SV2C: variants seen among roughly 807,000 people sequenced by gnomAD.
SV2C encodes the protein solute carrier family 22 member B3.
In SV2C, 49 loss-of-function variants were observed where a neutral mutation model predicts 79.7. The ratio of observed to expected loss-of-function variants is 0.61; its 90% confidence interval spans 0.49 to 0.78. The LOEUF (loss-of-function observed/expected upper bound fraction) is 0.78, where lower values mean the gene tolerates loss of function less well. Among genes scored for constraint, SV2C ranks in the 30% least tolerant of loss-of-function variants. SV2C has a pLI of 0.00. For synonymous variants in SV2C, 334 were observed against 333.2 expected (o/e 1.00, Z -0.03); for missense variants, 833 against 912.9 (o/e 0.91, Z 1.13).
intron 12 of SV2C, among the ~76,000 whole-genome samples, chr5:76,351,974 A>C (rs997426943): frequency 1.3e-5 from 2 of 152,192 alleles, no homozygotes; most frequent in African/African-American, 4.8e-5. Flanking sequence ...ACATTTTGGG[A>C]GTCCAAGGTG....
Position 76,291,206 on chromosome 5 carries a change from T to C in SV2C, c.1138-15T>C. Reference sequence around the variant, plus strand: ...GAGAAGGTAACTTAGCGCTTTGGTCTGTTTCTCTCTACAGGTAAACAAAAT... The same window carrying C: ...GAGAAGGTAACTTAGCGCTTTGGTCCGTTTCTCTCTACAGGTAAACAAAAT... On this transcript the variant is annotated splice_polypyrimidine_tract_variant and intron_variant, in intron 6 of 12. Coordinates refer to ENST00000502798, the MANE Select transcript of SV2C (RefSeq NM_014979.4). 1 of 1,593,388 alleles carries C rather than the reference T, an allele frequency of 6.3e-7. No individual in the cohort carries two copies. The highest frequency in any genetic ancestry group is 2.2e-5 in the East Asian group (1 of 44,694).
At chr5:75,851,325 T>G in the SV2C span, among the ~76,000 whole-genome samples, 8 of 152,092 alleles carry the variant, frequency 5.3e-5, no homozygotes, top group Admixed American at 5.2e-4. Context: ...CTGAACTATG[T>G]TCTGCTAGTA....
At chr5:75,910,451 G>T in the SV2C span, 1 of 601,340 alleles carries the variant, frequency 1.7e-6, no homozygotes. Flanking sequence ...CATCACTTCA[G>T]CTGCACTAAG....
intron 4 of SV2C, among the ~76,000 whole-genome samples, chr5:76,237,395 G>A (rs73766733): frequency 0.07 from 10,694 of 151,968 alleles, 1,210 homozygotes; most frequent in African/African-American, 0.24. Context: ...AAATGTATTG[G>A]GTGAACTATC....
intron 12 of SV2C, among the ~76,000 whole-genome samples, chr5:76,309,630 A>AAAAAAAAAAC (rs1554046996): frequency 1.5e-5 from 2 of 131,870 alleles, no homozygotes; most frequent in East Asian, 2.3e-4. Flanking sequence ...AAAAAACAGA[A>AAAAAAAAAAC]AGAAAGAAAG....
At chr5:76,314,431 C>G (rs1369917781) in intron 12 of SV2C, among the ~76,000 whole-genome samples, 1 of 152,142 alleles carries the variant, frequency 6.6e-6, no homozygotes, top group Admixed American at 6.5e-5. Context: ...CCCCCTCTCC[C>G]TCTACTTCAT....
the SV2C span, among the ~76,000 whole-genome samples, chr5:75,955,425 C>G: frequency 4.6e-5 from 7 of 151,472 alleles, no homozygotes; most frequent in Non-Finnish European, 1.0e-4. Flanking sequence ...AACGTTAGAC[C>G]TAAAGCCATA....
downstream of SV2C, among the ~76,000 whole-genome samples, chr5:76,334,391 C>T (rs77632734): frequency 0.029 from 4,357 of 152,228 alleles, 185 homozygotes; most frequent in African/African-American, 0.087. Flanking sequence ...AAAGAGTTCC[C>T]GTGACTGCAT....
chr5:76,221,667 G>T (rs1032353554), intron 4 of SV2C, among the ~76,000 whole-genome samples: 1 of 152,044 alleles, frequency 6.6e-6, no homozygotes, highest in Admixed American at 6.6e-5. Context: ...AGATACAGGG[G>T]TCTCGAGACC....
Position 76,329,549 on chromosome 5 carries a change from TGTA to T in SV2C, c.*4005_*4007del, listed in dbSNP as rs747334782. 2 of 152,158 alleles carry T rather than the reference TGTA, an allele frequency of 1.3e-5. No homozygotes were observed. Among genetic ancestry groups the T allele is most frequent in the Non-Finnish European group, 2.9e-5 (2 of 68,040 alleles). The allele number at this position is 152,158 out of a possible 1,614,324, so 9.4% of individuals were successfully genotyped here. On this transcript the variant is annotated 3_prime_UTR_variant, in exon 13 of 13. Transcript: ENST00000502798. ...ATCAAAGGGGAGGTGGGAAAAGAAA[TGTA>T]GTGACAGAAGGGAGAGTCCAAGATA...
the SV2C span, chr5:75,921,370 C>T: frequency 1.1e-6 from 1 of 922,082 alleles, no homozygotes; most frequent in South Asian, 1.3e-5. Context: ...TTGGGGGGTG[C>T]TGGTAGGTGT....
chr5:76,061,084 T>C, the SV2C span, among the ~76,000 whole-genome samples: 1 of 151,834 alleles, frequency 6.6e-6, no homozygotes, highest in African/African-American at 2.4e-5. Context: ...CCCAAAACAA[T>C]TACAATAGTA....
rs1247566066 is a variant in SV2C at position 76,121,916 on chromosome 5, G to A, written c.-101-9734G>A. On this transcript the variant is annotated intron_variant, in intron 1 of 12. Transcript: ENST00000502798. ...TTCCAATTCTGTGAAGAAAGACATT[G>A]GTAGCTTGATGGGGATGGCATTGAA... Among the ~76,000 whole-genome samples the A allele has an allele frequency of 2.0e-5, 3 of 152,198 alleles. No individual in the cohort carries two copies. The South Asian group carries it at 6.2e-4, about 32-fold the overall frequency.
chr5:76,146,800 A>T (rs1464690426), intron 2 of SV2C, among the ~76,000 whole-genome samples: 8 of 138,818 alleles, frequency 5.8e-5, no homozygotes, highest in African/African-American at 1.4e-4. Flanking sequence ...TTTTTTTTAA[A>T]AAAAAAAAAA....
chr5:76,085,817 C>A (rs1747170486), intron 1 of SV2C, among the ~76,000 whole-genome samples: 1 of 100,272 alleles, frequency 1.0e-5, no homozygotes, highest in African/African-American at 4.1e-5. Flanking sequence ...TATTAGCAAA[C>A]AAAGCCCCTA....
the SV2C span, among the ~76,000 whole-genome samples, chr5:75,920,091 T>G: frequency 4.6e-5 from 7 of 152,230 alleles, no homozygotes; most frequent in African/African-American, 1.7e-4. Flanking sequence ...TTAAAGGAAT[T>G]GACTACGTCA....
the SV2C span, among the ~76,000 whole-genome samples, chr5:76,015,159 T>A: frequency 6.6e-6 from 1 of 152,172 alleles, no homozygotes; most frequent in Non-Finnish European, 1.5e-5. Flanking sequence ...ATTCTCTGTT[T>A]TACTCTGCCA....
chr5:75,871,154 C>T, the SV2C span, among the ~76,000 whole-genome samples: 1 of 152,106 alleles, frequency 6.6e-6, no homozygotes, highest in Admixed American at 6.5e-5. Context: ...ATGTGATCAT[C>T]TAGATAGATG....
the SV2C span, among the ~76,000 whole-genome samples, chr5:76,075,343 CA>C: frequency 6.6e-6 from 1 of 152,166 alleles, no homozygotes; most frequent in Admixed American, 6.5e-5. Flanking sequence ...AATTGTGTTA[CA>C]AATCCATGCC....
Sources: gnomAD v4.1 joint callset for allele counts (sites outside exome capture counted in the v4.1 genomes callset) on GRCh38, gnomAD v4.1.1 for gene constraint, MANE v1.5 for transcripts, NCBI Gene and HGNC (gene_info 2026-07-23, HGNC 2026-07-21) for gene names.